Variants in PIK3C2G observed in about 807,000 individuals in gnomAD.
PIK3C2G encodes phosphatidylinositol 3-kinase C2 domain-containing subunit gamma.
Under a neutral mutation model 181.1 loss-of-function variants are expected in PIK3C2G, and 168 were observed. The observed-to-expected ratio is 0.93, with a 90% confidence interval of 0.82 to 1.05. PIK3C2G has a LOEUF of 1.05. PIK3C2G is among the 50% of genes least tolerant of loss of function. The pLI, the probability that PIK3C2G is intolerant of heterozygous loss-of-function variation, is 0.00. For synonymous variants in PIK3C2G, 573 were observed against 592.2 expected (o/e 0.97, Z 0.47); for missense variants, 1,869 against 1,732.8 (o/e 1.08, Z -1.40).
rs553120510 is a variant in PIK3C2G, at chr12:18,597,763, C to T, written c.4087+3194C>T. The stretch of plus-strand genomic sequence containing the variant: ...TCTAGAAAACCCCATTGTCTCAGCC[C>T]AAAATCTCCTTAAGCTGATAAGCAA... On this transcript the variant is annotated intron_variant, in intron 30 of 32. Transcript: ENST00000538779. 5.8e-3 allele frequency among the ~76,000 whole-genome samples: 878 copies of T among 151,792 alleles called. 2 individuals carry two copies. Among genetic ancestry groups the T allele is most frequent in the Middle Eastern group, 0.01 (3 of 294 alleles).
intron 1 of PIK3C2G, among the ~76,000 whole-genome samples, chr12:18,272,817 G>A (rs78376767): frequency 0.02 from 3,011 of 152,150 alleles, 98 homozygotes; most frequent in African/African-American, 0.069. Flanking sequence ...CTAGCTCATC[G>A]TATACATTAT....
intron 18 of PIK3C2G, among the ~76,000 whole-genome samples, chr12:18,482,503 A>G (rs540158041): frequency 1.3e-5 from 2 of 152,228 alleles, no homozygotes; most frequent in South Asian, 4.1e-4. Context: ...CTATAAAAAG[A>G]GTGGAGCACA....
intron 14 of PIK3C2G, among the ~76,000 whole-genome samples, chr12:18,388,957 A>G (rs1943359059): frequency 6.6e-6 from 1 of 152,216 alleles, no homozygotes; most frequent in African/African-American, 2.4e-5. Flanking sequence ...TGTTGTTAAA[A>G]TAAGGAGTGC....
intron 14 of PIK3C2G, among the ~76,000 whole-genome samples, chr12:18,386,158 G>A (rs1038396593): frequency 8.6e-5 from 13 of 151,874 alleles, no homozygotes; most frequent in Non-Finnish European, 8.8e-5. Flanking sequence ...ATCATCCTTT[G>A]TCTCCTTCCC....
At chr12:18,622,124 T>G (rs887671069) in intron 31 of PIK3C2G, among the ~76,000 whole-genome samples, 2 of 151,946 alleles carry the variant, frequency 1.3e-5, no homozygotes, top group Non-Finnish European at 2.9e-5. Flanking sequence ...TTATTAGTGA[T>G]ATTCAGCATG....
chr12:18,485,955 G>A (rs951661899), intron 18 of PIK3C2G, among the ~76,000 whole-genome samples: 2 of 152,092 alleles, frequency 1.3e-5, no homozygotes, highest in Admixed American at 6.6e-5. Context: ...TTATAGAGAA[G>A]GTCACTGACA....
the PIK3C2G span, among the ~76,000 whole-genome samples, chr12:18,674,237 A>G: frequency 6.6e-6 from 1 of 152,216 alleles, no homozygotes; most frequent in Non-Finnish European, 1.5e-5. Flanking sequence ...ATTAAATTCA[A>G]ACAATAGCTT....
chr12:18,250,595 A>G (rs1948086563), intron 1 of PIK3C2G, among the ~76,000 whole-genome samples: 1 of 152,032 alleles, frequency 6.6e-6, no homozygotes. Flanking sequence ...GTTAACTGCA[A>G]TTCTAAGAGT....
At chr12:18,683,030 A>G in the PIK3C2G span, 1 of 552,012 alleles carries the variant, frequency 1.8e-6, no homozygotes, top group East Asian at 3.1e-5. Flanking sequence ...AGCAAACAAG[A>G]ACGCCATGCT....
At chr12:18,375,441 G>C (rs1294464720) in intron 13 of PIK3C2G, among the ~76,000 whole-genome samples, 37 of 152,220 alleles carry the variant, frequency 2.4e-4, no homozygotes, top group Admixed American at 2.4e-3. Flanking sequence ...AGGTGGCCTG[G>C]CTGCTGCTAA....
chr12:18,259,311 T>C (rs2136985943), upstream of PIK3C2G, among the ~76,000 whole-genome samples: 1 of 152,234 alleles, frequency 6.6e-6, no homozygotes, highest in East Asian at 1.9e-4. Flanking sequence ...ATGGAAAATG[T>C]GGAGCATGTA....
intron 11 of PIK3C2G, among the ~76,000 whole-genome samples, chr12:18,355,662 G>A (rs1940659532): frequency 6.6e-6 from 1 of 152,198 alleles, no homozygotes; most frequent in Admixed American, 6.5e-5. Flanking sequence ...GCACATGCAT[G>A]CTACGGACAT....
Position 18,425,386 on chromosome 12 carries a change from CTTTTTTTTTT to C in PIK3C2G, c.2504+1362_2504+1371del, listed in dbSNP as rs1228477062. 9.0e-3 allele frequency among the ~76,000 whole-genome samples: 590 copies of C among 65,336 alleles called. 5 individuals are homozygous for C. The highest frequency in any genetic ancestry group is 0.035 in the African/African-American group (573 of 16,390). The allele number at this position is 65,336 out of a possible 152,430, so 42.9% of individuals were successfully genotyped here. A position where few individuals can be genotyped will look rare whatever the true frequency, so the allele number is the denominator to read the frequency against. ...TTCTCTAGCTAAAGGACAGACATTT[CTTTTTTTTTT>C]TTTTTTTTTTTTTTGAGTCGGAGTC... On this transcript the variant is annotated intron_variant, in intron 18 of 32. Transcript: ENST00000538779.
At chr12:18,589,165 G>A (rs1443195352) in intron 29 of PIK3C2G, among the ~76,000 whole-genome samples, 1 of 151,790 alleles carries the variant, frequency 6.6e-6, no homozygotes, top group Non-Finnish European at 1.5e-5. Context: ...ACCTGCACAT[G>A]TACCTGTGAG....
chr12:18,442,490 G>A (rs773385619), intron 18 of PIK3C2G, among the ~76,000 whole-genome samples: 6 of 152,078 alleles, frequency 3.9e-5, no homozygotes, highest in African/African-American at 7.2e-5. Flanking sequence ...AATATCTTTC[G>A]ATTTGGAGGA....
At chr12:18,357,942 G>T (rs1565632774) in intron 11 of PIK3C2G, among the ~76,000 whole-genome samples, 1 of 152,118 alleles carries the variant, frequency 6.6e-6, no homozygotes, top group Non-Finnish European at 1.5e-5. Context: ...TCCTTGTCAA[G>T]GTTGAATAAT....
chr12:18,562,913 CT>C, intron 27 of PIK3C2G, 21 bp downstream of exon 27: 1 of 1,524,210 alleles, frequency 6.6e-7, no homozygotes, highest in Non-Finnish European at 9.0e-7. Context: ...AGTCCGTCAT[CT>C]TGACTTACGT....
intron 24 of PIK3C2G, among the ~76,000 whole-genome samples, chr12:18,529,016 T>C (rs576353021): frequency 5.3e-5 from 8 of 152,238 alleles, no homozygotes; most frequent in African/African-American, 1.7e-4. Context: ...TTAAAATTTG[T>C]TCAAAGTTGT....
chr12:18,694,173 G>A, the PIK3C2G span: 1 of 677,978 alleles, frequency 1.5e-6, no homozygotes, highest in South Asian at 1.9e-5. Context: ...TGGGGGAGTT[G>A]CCCAGAGGAA....
Sources: gnomAD v4.1 joint callset for allele counts (sites outside exome capture counted in the v4.1 genomes callset) on GRCh38, gnomAD v4.1.1 for gene constraint, MANE v1.5 for transcripts, NCBI Gene and HGNC (gene_info 2026-07-23, HGNC 2026-07-21) for gene names.